FHIT: variants seen among roughly 807,000 people sequenced by gnomAD.
FHIT encodes the protein bis(5'-adenosyl)-triphosphatase.
Under a neutral mutation model 17.9 loss-of-function variants are expected in FHIT, and 19 were observed. That is an observed-to-expected ratio of 1.06 (90% confidence interval 0.74 to 1.56). The LOEUF (loss-of-function observed/expected upper bound fraction) is 1.56. FHIT is among the 40% of genes most tolerant of loss of function. FHIT has a pLI of 0.00. For synonymous variants in FHIT, 81 were observed against 69.7 expected (o/e 1.16, Z -0.81); for missense variants, 248 against 189.2 (o/e 1.31, Z -1.82).
chr3:60,505,737 A>G (rs2034702513), intron 5 of FHIT, among the ~76,000 whole-genome samples: 1 of 152,208 alleles, frequency 6.6e-6, no homozygotes, highest in Non-Finnish European at 1.5e-5. Context: ...CCTGCTGATT[A>G]TCTTGGCCAA....
At chr3:60,203,744 G>A (rs528840356) in intron 5 of FHIT, among the ~76,000 whole-genome samples, 12 of 152,112 alleles carry the variant, frequency 7.9e-5, no homozygotes, top group African/African-American at 2.7e-4. Context: ...CAAGAGAGAT[G>A]ATAGTTAATA....
intron 3 of FHIT, among the ~76,000 whole-genome samples, chr3:60,907,308 A>G (rs879959910): frequency 3.3e-5 from 5 of 152,234 alleles, no homozygotes; most frequent in Non-Finnish European, 7.3e-5. Context: ...AATTGGACAG[A>G]TCCACATTGT....
chr3:60,182,943 C>T (rs77128087), intron 5 of FHIT, among the ~76,000 whole-genome samples: 1,669 of 149,230 alleles, frequency 0.011, 30 homozygotes, highest in African/African-American at 0.04. Flanking sequence ...AAAGAAAAAA[C>T]AATGGAGGGT....
At chr3:60,998,834 A>G (rs1386975881) in intron 3 of FHIT, among the ~76,000 whole-genome samples, 1 of 152,004 alleles carries the variant, frequency 6.6e-6, no homozygotes. Context: ...TTTTTTAAAA[A>G]GAGAAGGTAG....
chr3:61,171,510 G>A lies in FHIT; in HGVS notation c.-164+29107C>T, dbSNP rs149962460. ...AATTTGAAAATATACCAACTAAAGTGTATCACACACCTAAATCAAGGATTT... is the reference window on the plus strand; with the variant it reads ...AATTTGAAAATATACCAACTAAAGTATATCACACACCTAAATCAAGGATTT... On this transcript the variant is annotated intron_variant, in intron 2 of 9. Coordinates refer to ENST00000492590, the MANE Select transcript of FHIT (RefSeq NM_002012.4). Among the ~76,000 whole-genome samples the A allele has an allele frequency of 4.6e-5, 7 of 152,164 alleles. 1 individual carries two copies. In the South Asian group the frequency reaches 8.3e-4, roughly 18 times the overall value.
At chr3:60,630,200 A>C (rs150172269) in intron 4 of FHIT, among the ~76,000 whole-genome samples, 1 of 152,204 alleles carries the variant, frequency 6.6e-6, no homozygotes, top group Non-Finnish European at 1.5e-5. Context: ...TCAGAAACCT[A>C]AAGTGTGTAC....
chr3:60,255,638 T>C (rs1299565320), intron 5 of FHIT, among the ~76,000 whole-genome samples: 1 of 151,992 alleles, frequency 6.6e-6, no homozygotes, highest in African/African-American at 2.4e-5. Flanking sequence ...AAAATTTCGG[T>C]GGCTAGTTTA....
intron 2 of FHIT, among the ~76,000 whole-genome samples, chr3:61,171,168 T>C (rs538544289): frequency 4.6e-5 from 7 of 152,344 alleles, no homozygotes; most frequent in Non-Finnish European, 8.8e-5. Flanking sequence ...AGATGGTATC[T>C]CATTGCGGTG....
At chr3:59,829,582 T>C (rs377647013) in intron 8 of FHIT, among the ~76,000 whole-genome samples, 7 of 152,328 alleles carry the variant, frequency 4.6e-5, no homozygotes, top group African/African-American at 1.7e-4. Flanking sequence ...TTCGGTGGTA[T>C]GGAAAAGACA....
intron 5 of FHIT, among the ~76,000 whole-genome samples, chr3:60,083,973 TTC>T (rs1703394506): frequency 6.6e-6 from 1 of 152,216 alleles, no homozygotes; most frequent in Admixed American, 6.5e-5. Context: ...TGGTATTCTC[TTC>T]TGTGATAACT....
At chr3:59,755,337 C>G (rs948326923) in intron 8 of FHIT, among the ~76,000 whole-genome samples, 1 of 152,178 alleles carries the variant, frequency 6.6e-6, no homozygotes, top group Admixed American at 6.5e-5. Flanking sequence ...GTGGGCAAGA[C>G]TTGTGTCCTA....
chr3:60,822,849 G>T (rs1701974442), intron 3 of FHIT, among the ~76,000 whole-genome samples: 1 of 152,116 alleles, frequency 6.6e-6, no homozygotes, highest in South Asian at 2.1e-4. Flanking sequence ...ATCACTCAAT[G>T]ACAATGCACT....
At chr3:61,014,269 T>C (rs1288613989) in intron 3 of FHIT, among the ~76,000 whole-genome samples, 2 of 152,120 alleles carry the variant, frequency 1.3e-5, no homozygotes, top group Non-Finnish European at 2.9e-5. Flanking sequence ...GAAAACATAT[T>C]GTTACTCATG....
intron 3 of FHIT, among the ~76,000 whole-genome samples, chr3:60,903,938 A>G (rs1706254787): frequency 6.6e-6 from 1 of 152,224 alleles, no homozygotes; most frequent in South Asian, 2.1e-4. Flanking sequence ...GGAAACAAGA[A>G]TGAAAAAGAC....
At chr3:60,747,106 T>C (rs1459836057) in intron 4 of FHIT, among the ~76,000 whole-genome samples, 2 of 151,774 alleles carry the variant, frequency 1.3e-5, no homozygotes, top group Non-Finnish European at 2.9e-5. Flanking sequence ...AGATCACAGT[T>C]CTGTGGTTCT....
intron 8 of FHIT, among the ~76,000 whole-genome samples, chr3:59,906,103 C>T (rs1704573600): frequency 6.6e-6 from 1 of 152,174 alleles, no homozygotes; most frequent in African/African-American, 2.4e-5. Flanking sequence ...AGACCCCTTC[C>T]TCCTTGTGTA....
chr3:61,102,307 G>T (rs1177394238), intron 2 of FHIT, among the ~76,000 whole-genome samples: 1 of 152,202 alleles, frequency 6.6e-6, no homozygotes, highest in Admixed American at 6.5e-5. Flanking sequence ...CATCTACTGA[G>T]ATAATCATGT....
chr3:60,074,664 G>A (rs76442887), intron 5 of FHIT, among the ~76,000 whole-genome samples: 7 of 150,320 alleles, frequency 4.7e-5, no homozygotes, highest in Non-Finnish European at 4.4e-5. Context: ...TTCCAAAGGG[G>A]AAAAAAAAAC....
Position 59,868,265 on chromosome 3 carries a change from C to T in FHIT, c.348+54081G>A, listed in dbSNP as rs749276617. ...ATGGATCCCAAAGCAGAGAGATTGA[C>T]GTTGTTCCATTTCCTGTTCACAGTA... is the stretch of plus-strand genomic sequence containing the variant. On this transcript the variant is annotated intron_variant, in intron 8 of 9. Transcript: ENST00000492590. 8.5e-5 allele frequency among the ~76,000 whole-genome samples: 13 copies of T among 152,128 alleles called. No homozygotes were observed. The South Asian group carries it at 1.0e-3, about 12-fold the overall frequency.
Sources: gnomAD v4.1 joint callset for allele counts (sites outside exome capture counted in the v4.1 genomes callset) on GRCh38, gnomAD v4.1.1 for gene constraint, MANE v1.5 for transcripts, NCBI Gene and HGNC (gene_info 2026-07-23, HGNC 2026-07-21) for gene names.